PLA2G4D: variants seen among roughly 807,000 people sequenced by gnomAD.
PLA2G4D encodes the protein cytosolic phospholipase A2 delta.
PLA2G4D carries 80 observed loss-of-function variants against 94.4 expected under a neutral mutation model. The observed-to-expected ratio is 0.85, with a 90% confidence interval of 0.71 to 1.02. PLA2G4D has a LOEUF of 1.02. Ranked by LOEUF, PLA2G4D falls within the 50% of genes least tolerant of loss-of-function variation. The pLI, the probability that PLA2G4D is intolerant of heterozygous loss-of-function variation, is 0.00. For synonymous variants in PLA2G4D, 438 were observed against 440.9 expected, an observed-to-expected ratio of 0.99 and a Z score of 0.08; for missense variants, 1,050 against 1,034.7, an observed-to-expected ratio of 1.01 and a Z score of -0.20.
At chr15:42,079,781 A>G in intron 12 of PLA2G4D, 22 bp from the exon 13 acceptor site, 1 of 1,592,744 alleles carries the variant, frequency 6.3e-7, no homozygotes, top group South Asian at 1.1e-5. Flanking sequence ...AGGGGACAGA[A>G]CAGTAGGAGC....
At position 42,087,037 on chromosome 15, in the gene PLA2G4D, G is replaced by A. The variant is rs142783333; in HGVS notation, c.255+263C>T. Among the ~76,000 whole-genome samples the A allele has an allele frequency of 3.3e-3, 499 of 152,232 alleles. 3 individuals are homozygous for A. Among genetic ancestry groups the A allele is most frequent in the African/African-American group, 0.012 (481 of 41,550 alleles). On this transcript the variant is annotated intron_variant, in intron 3 of 19. Coordinates refer to ENST00000290472, the MANE Select transcript of PLA2G4D (RefSeq NM_178034.4). ...CCCCACAGTGACCTGATCAGGAGGG[G>A]GCTCTTACTGTCTCTGTTTCATAGC...
intron 3 of PLA2G4D, 63 bp from the exon 4 acceptor site, chr15:42,086,407 T>G: frequency 6.5e-7 from 1 of 1,547,620 alleles, no homozygotes; most frequent in Non-Finnish European, 8.9e-7. Context: ...CTCACCTCTG[T>G]TGAGCCCTTA....
At chr15:42,073,870 G>T (rs1889872861) in intron 13 of PLA2G4D, among the ~76,000 whole-genome samples, 1 of 152,132 alleles carries the variant, frequency 6.6e-6, no homozygotes, top group African/African-American at 2.4e-5. Context: ...CTCCTTGCTG[G>T]CAGCTCTTCT....
Position 42,086,194 on chromosome 15 carries a change from T to TGGGGGGGGGGGGGGGGCGCG in PLA2G4D, c.387+18_387+19insCGCGCCCCCCCCCCCCCCCC. On this transcript the variant is annotated intron_variant, in intron 4 of 19. Transcript: ENST00000290472. Reference sequence around the variant, plus strand: ...GGAAGAAGTGGGGCCCACGGGGACTTCCCCACCCACCCACCCACCTGGGGA... The same window carrying TGGGGGGGGGGGGGGGGCGCG: ...GGAAGAAGTGGGGCCCACGGGGACTTGGGGGGGGGGGGGGGGCGCGCCCCACCCACCCACCCACCTGGGGA... 7.3e-7 allele frequency: 1 copy of TGGGGGGGGGGGGGGGGCGCG among 1,370,444 alleles called. No individual in the cohort carries two copies. The highest frequency in any genetic ancestry group is 9.6e-7 in the Non-Finnish European group (1 of 1,043,084). The allele number at this position is 1,370,444 out of a possible 1,614,324, so 84.9% of individuals were successfully genotyped here.
At chr15:42,087,035 G>T (rs1168031645) in intron 3 of PLA2G4D, among the ~76,000 whole-genome samples, 2 of 152,112 alleles carry the variant, frequency 1.3e-5, no homozygotes, top group African/African-American at 4.8e-5. Context: ...TGATCAGGAG[G>T]GGGCTCTTAC....
intron 1 of PLA2G4D, among the ~76,000 whole-genome samples, chr15:42,089,675 T>C (rs1367087225): frequency 6.6e-6 from 1 of 152,116 alleles, no homozygotes; most frequent in Non-Finnish European, 1.5e-5. Context: ...GCTGGGATGC[T>C]GGGGCCCTGC....
intron 19 of PLA2G4D, among the ~76,000 whole-genome samples, chr15:42,069,425 C>A (rs1889757145): frequency 6.6e-6 from 1 of 152,078 alleles, no homozygotes; most frequent in South Asian, 2.1e-4. Context: ...ACAAAGGCAG[C>A]AATGAGTTTT....
intron 13 of PLA2G4D, among the ~76,000 whole-genome samples, chr15:42,078,512 T>C (rs945678587): frequency 2.6e-5 from 4 of 152,230 alleles, no homozygotes; most frequent in African/African-American, 9.6e-5. Context: ...TGAATATGTA[T>C]AGCTAATAAC....
chr15:42,072,236 G>A (rs1423196720), intron 14 of PLA2G4D, 39 bp downstream of exon 14: 1 of 1,535,512 alleles, frequency 6.5e-7, no homozygotes, highest in Non-Finnish European at 9.0e-7. Context: ...GAGGGTTTGG[G>A]GGGTGGAGTA....
chr15:42,086,194 T>TTGGGGGGGGGGCGGC lies in PLA2G4D; in HGVS notation c.387+18_387+19insGCCGCCCCCCCCCCA. The TTGGGGGGGGGGCGGC allele has an allele frequency of 1.5e-6, 2 of 1,370,444 alleles. No individual in the cohort carries two copies. The highest frequency in any genetic ancestry group is 1.9e-6 in the Non-Finnish European group (2 of 1,043,084). The allele number at this position is 1,370,444 out of a possible 1,614,324, so 84.9% of individuals were successfully genotyped here. On this transcript the variant is annotated intron_variant, in intron 4 of 19. Coordinates refer to ENST00000290472, the MANE Select transcript of PLA2G4D (RefSeq NM_178034.4). ...GGAAGAAGTGGGGCCCACGGGGACTTCCCCACCCACCCACCCACCTGGGGA... is the reference window on the plus strand; with the variant it reads ...GGAAGAAGTGGGGCCCACGGGGACTTTGGGGGGGGGGCGGCCCCCACCCACCCACCCACCTGGGGA...
intron 1 of PLA2G4D, among the ~76,000 whole-genome samples, chr15:42,093,381 G>C (rs950599633): frequency 6.6e-6 from 1 of 152,164 alleles, no homozygotes; most frequent in Non-Finnish European, 1.5e-5. Flanking sequence ...CACAGCCTTC[G>C]CCAGGGAGAT....
Position 42,087,662 on chromosome 15 carries a change from G to A in PLA2G4D, c.84C>T (p.Val28=). 1.2e-6 allele frequency: 2 copies of A among 1,614,146 alleles called. No individual in the cohort carries two copies. Among genetic ancestry groups the A allele is most frequent in the Non-Finnish European group, 1.7e-6 (2 of 1,180,018 alleles). Reference sequence around the variant, plus strand: ...CCCAGCGCAGGTTCCGCGCCTCCAGGACCCTCACTGTGAGCTGCCAGCAGG... The same window carrying A: ...CCCAGCGCAGGTTCCGCGCCTCCAGAACCCTCACTGTGAGCTGCCAGCAGG... ...ASTCWQLTVR[V]LEARNLRWAD... The change falls in exon 2 of 20, where the codon GTC becomes GTT. Residue 28 remains valine, a synonymous_variant. Coordinates refer to ENST00000290472, the MANE Select transcript of PLA2G4D (RefSeq NM_178034.4).
rs1292662578 is a variant in PLA2G4D, at chr15:42,070,799, G to T, written c.1961C>A (p.Thr654Asn). 6.2e-7 allele frequency: 1 copy of T among 1,607,286 alleles called. No homozygotes were observed. The highest frequency in any genetic ancestry group is 8.5e-7 in the Non-Finnish European group (1 of 1,176,856). ...TGGCCGGAACATGGAGGGAGAGCTG[G>T]TGTTGATGAAGTAGGCGGCGTCCAC... ...CLVDAAYFIN[T>N]SSPSMFRPGR... The change falls in exon 18 of 20, where the codon ACC (threonine) becomes AAC (asparagine). Residue 654 changes from threonine (T) to asparagine (N), a missense_variant. Coordinates refer to ENST00000290472, the MANE Select transcript of PLA2G4D (RefSeq NM_178034.4).
intron 5 of PLA2G4D, 126 bp downstream of exon 5, chr15:42,085,365 C>T (rs975439305): frequency 3.8e-5 from 45 of 1,198,124 alleles, no homozygotes; most frequent in Non-Finnish European, 5.0e-5. Context: ...CCACTCCCGA[C>T]CTCTCTGGCA....
chr15:42,087,802 T>C (rs1175886137), intron 1 of PLA2G4D, 102 bp from the exon 2 acceptor site: 7 of 1,231,544 alleles, frequency 5.7e-6, no homozygotes, highest in Non-Finnish European at 8.0e-6. Context: ...TCCTGGTACT[T>C]GGTGGTGCTG....
Position 42,086,194 on chromosome 15 carries a change from T to TTGGGGGGGGGGGGGGGGGGGGGGG in PLA2G4D, c.387+18_387+19insCCCCCCCCCCCCCCCCCCCCCCCA. ...GGAAGAAGTGGGGCCCACGGGGACT[T>TTGGGGGGGGGGGGGGGGGGGGGGG]CCCCACCCACCCACCCACCTGGGGA... On this transcript the variant is annotated intron_variant, in intron 4 of 19. Coordinates refer to ENST00000290472, the MANE Select transcript of PLA2G4D (RefSeq NM_178034.4). The TTGGGGGGGGGGGGGGGGGGGGGGG allele has an allele frequency of 1.5e-6, 2 of 1,370,438 alleles. No individual in the cohort carries two copies. The highest frequency in any genetic ancestry group is 9.6e-7 in the Non-Finnish European group (1 of 1,043,082). The allele number at this position is 1,370,438 out of a possible 1,614,324, so 84.9% of individuals were successfully genotyped here. A position where few individuals can be genotyped will look rare whatever the true frequency, so the allele number is the denominator to read the frequency against.
chr15:42,086,376 A>C, intron 3 of PLA2G4D, 32 bp from the exon 4 acceptor site: 1 of 1,609,828 alleles, frequency 6.2e-7, no homozygotes, highest in African/African-American at 1.3e-5. Context: ...TTAGCATTTT[A>C]CCTGCTCATA....
At position 42,079,645 on chromosome 15, in the gene PLA2G4D, C is replaced by T; in HGVS notation, c.1209G>A (p.Glu403=). Residue 403 remains glutamate, a synonymous_variant, in exon 13 of 20, where the codon GAG becomes GAA. Coordinates refer to ENST00000290472, the MANE Select transcript of PLA2G4D (RefSeq NM_178034.4). The part of the protein sequence containing the change: ...AKSKLEVFSP[E]RLASYRRELE... ...GCTCCCGGCGGTAGCTCGCCAGGCG[C>T]TCTGGGGAAAAGACCTCCAGCTTGC... is the stretch of plus-strand genomic sequence containing the variant. 6.2e-7 allele frequency: 1 copy of T among 1,613,068 alleles called. No individual in the cohort carries two copies. Among genetic ancestry groups the T allele is most frequent in the Non-Finnish European group, 8.5e-7 (1 of 1,179,528 alleles).
Position 42,086,362 on chromosome 15 carries a change from C to T in PLA2G4D, c.256-18G>A, listed in dbSNP as rs749092590. 5.0e-6 allele frequency: 8 copies of T among 1,611,796 alleles called. No individual in the cohort carries two copies. The highest frequency in any genetic ancestry group is 4.4e-5 in the South Asian group (4 of 91,054). On this transcript the variant is annotated intron_variant, in intron 3 of 19. Coordinates refer to ENST00000290472, the MANE Select transcript of PLA2G4D (RefSeq NM_178034.4). ...AGAACATTCTAGGAACCAGGAACAG[C>T]GACTTAGCATTTTACCTGCTCATAG...
Sources: gnomAD v4.1 joint callset for allele counts (sites outside exome capture counted in the v4.1 genomes callset) on GRCh38, gnomAD v4.1.1 for gene constraint, MANE v1.5 for transcripts, NCBI Gene and HGNC (gene_info 2026-07-23, HGNC 2026-07-21) for gene names.